The following ITGA9 variants were observed in gnomAD, a reference collection of about 807,000 sequenced individuals.
ITGA9 encodes integrin subunit alpha 9.
ITGA9 carries 56 observed loss-of-function variants against 127.8 expected under a neutral mutation model. That is an observed-to-expected ratio of 0.44 (90% CI 0.35 to 0.55). The LOEUF (loss-of-function observed/expected upper bound fraction) is 0.55. Ranked by LOEUF, ITGA9 falls within the 20% of genes least tolerant of loss-of-function variation. The probability of loss-of-function intolerance (pLI) is 0.00; values close to 1 mark genes in which losing one functional copy is unlikely to be tolerated. For synonymous variants in ITGA9, 508 were observed against 514.5 expected, an observed-to-expected ratio of 0.99 and a Z score of 0.17; for missense variants, 1,196 against 1,347.1, an observed-to-expected ratio of 0.89 and a Z score of 1.76.
At chr3:37,453,519 C>T (rs1549596) in intron 1 of ITGA9, among the ~76,000 whole-genome samples, 39,905 of 152,070 alleles carry the variant, frequency 0.26, 5,501 homozygotes, top group Non-Finnish European at 0.3. Flanking sequence ...AACAGCCACA[C>T]AGTGGTCACT....
chr3:37,456,613 C>T (rs998671775), intron 1 of ITGA9, among the ~76,000 whole-genome samples: 1 of 152,228 alleles, frequency 6.6e-6, no homozygotes, highest in African/African-American at 2.4e-5. Context: ...GACGTGCTTC[C>T]TGCTCCCTCT....
intron 17 of ITGA9, among the ~76,000 whole-genome samples, chr3:37,676,437 A>C (rs964589101): frequency 6.6e-6 from 1 of 152,178 alleles, no homozygotes; most frequent in African/African-American, 2.4e-5. Context: ...AGCTGGGGTA[A>C]TTATACAGCA....
At chr3:37,614,282 C>T (rs1043041026) in intron 15 of ITGA9, among the ~76,000 whole-genome samples, 6 of 151,752 alleles carry the variant, frequency 4.0e-5, no homozygotes, top group South Asian at 2.1e-4. Flanking sequence ...TGTAGATATG[C>T]GGCATTATTT....
At chr3:37,492,991 C>A (rs1333433282) in intron 4 of ITGA9, among the ~76,000 whole-genome samples, 1 of 152,228 alleles carries the variant, frequency 6.6e-6, no homozygotes, top group African/African-American at 2.4e-5. Context: ...GTGCAAGATT[C>A]TGCAGGGAAC....
At chr3:37,464,116 A>T (rs1051326583) in intron 1 of ITGA9, among the ~76,000 whole-genome samples, 6 of 144,166 alleles carry the variant, frequency 4.2e-5, no homozygotes, top group East Asian at 2.1e-4. Context: ...AGAAGGTGTG[A>T]GTGTGTGTGT....
intron 17 of ITGA9, among the ~76,000 whole-genome samples, chr3:37,657,527 G>A (rs185881532): frequency 6.6e-6 from 1 of 151,912 alleles, no homozygotes; most frequent in East Asian, 1.9e-4. Flanking sequence ...CTGTAGGATT[G>A]GTGGTAATAT....
chr3:37,692,412 AGTGTGTGTGTGT>A (rs59928496), intron 18 of ITGA9, among the ~76,000 whole-genome samples: 1 of 145,968 alleles, frequency 6.9e-6, no homozygotes. Flanking sequence ...AGAGAGAGAG[AGTGTGTGTGTGT>A]GTGTGTGTGT....
chr3:37,527,326 C>T (rs1248934554), intron 13 of ITGA9, among the ~76,000 whole-genome samples: 2 of 152,164 alleles, frequency 1.3e-5, no homozygotes, highest in South Asian at 2.1e-4. Flanking sequence ...CATTATAAGT[C>T]GGGGACTATC....
intron 1 of ITGA9, among the ~76,000 whole-genome samples, chr3:37,458,815 C>T (rs1438980070): frequency 6.6e-6 from 1 of 152,160 alleles, no homozygotes; most frequent in Non-Finnish European, 1.5e-5. Flanking sequence ...GCAATCTTGC[C>T]ACCAGCTGAC....
intron 15 of ITGA9, among the ~76,000 whole-genome samples, chr3:37,588,399 C>T (rs1263848560): frequency 6.8e-6 from 1 of 147,144 alleles, no homozygotes; most frequent in African/African-American, 2.5e-5. Context: ...GGACACCCAT[C>T]CAAGCTTCGT....
intron 18 of ITGA9, among the ~76,000 whole-genome samples, chr3:37,685,769 C>T (rs913289426): frequency 6.6e-6 from 1 of 152,140 alleles, no homozygotes; most frequent in Non-Finnish European, 1.5e-5. Context: ...AGAATTTTGG[C>T]TTGTTTTTAC....
intron 15 of ITGA9, among the ~76,000 whole-genome samples, chr3:37,552,074 C>T (rs749639139): frequency 1.8e-4 from 27 of 152,234 alleles, no homozygotes; most frequent in Non-Finnish European, 2.9e-4. Flanking sequence ...GAGCCAGCTT[C>T]CCTTCGTGCT....
chr3:37,478,061 C>A (rs1267032551), intron 3 of ITGA9, among the ~76,000 whole-genome samples: 1 of 152,136 alleles, frequency 6.6e-6, no homozygotes, highest in Non-Finnish European at 1.5e-5. Context: ...AATAAATTTT[C>A]ATTAGGTGAA....
At chr3:37,613,365 G>C (rs1040112410) in intron 15 of ITGA9, among the ~76,000 whole-genome samples, 13 of 152,050 alleles carry the variant, frequency 8.5e-5, no homozygotes, top group African/African-American at 3.1e-4. Context: ...GTCTATCATT[G>C]TTGGACATTT....
Position 37,822,526 on chromosome 3 carries a change from T to A in ITGA9, c.*3537T>A, listed in dbSNP as rs1488043841. On this transcript the variant is annotated 3_prime_UTR_variant, in exon 28 of 28. Transcript: ENST00000264741. The stretch of plus-strand genomic sequence containing the variant: ...CAGCACTGAGGTTTCCTCAGGCAGT[T>A]CTTTAGGAAAACTGTCAGCATCATG... The A allele has an allele frequency of 2.6e-5, 4 of 151,518 alleles. No homozygotes were observed. Among genetic ancestry groups the A allele is most frequent in the Non-Finnish European group, 5.9e-5 (4 of 67,664 alleles). The allele number at this position is 151,518 out of a possible 1,614,324, so 9.4% of individuals were successfully genotyped here.
intron 23 of ITGA9, among the ~76,000 whole-genome samples, chr3:37,760,248 G>A (rs916796286): frequency 5.9e-5 from 9 of 151,312 alleles, no homozygotes; most frequent in African/African-American, 2.2e-4. Flanking sequence ...GGGCAAAAGA[G>A]TGAGACTCTG....
At chr3:37,777,321 C>T in intron 23 of ITGA9, 71 bp from the exon 24 acceptor site, 3 of 1,551,738 alleles carry the variant, frequency 1.9e-6, no homozygotes, top group Non-Finnish European at 2.7e-6. Context: ...CCTGCCTCTA[C>T]AATAAGAGGC....
At chr3:37,801,396 G>T (rs76789641) in intron 26 of ITGA9, among the ~76,000 whole-genome samples, 3,079 of 152,220 alleles carry the variant, frequency 0.02, 95 homozygotes, top group African/African-American at 0.071. Context: ...TTAGCATTTG[G>T]TATGTGAAAA....
At chr3:37,572,237 C>A (rs1012695583) in intron 15 of ITGA9, among the ~76,000 whole-genome samples, 1 of 152,000 alleles carries the variant, frequency 6.6e-6, no homozygotes, top group South Asian at 2.1e-4. Flanking sequence ...TCTGTCTTTC[C>A]CTTTGTTTCT....
Sources: gnomAD v4.1 joint callset for allele counts (sites outside exome capture counted in the v4.1 genomes callset) on GRCh38, gnomAD v4.1.1 for gene constraint, MANE v1.5 for transcripts, NCBI Gene and HGNC (gene_info 2026-07-23, HGNC 2026-07-21) for gene names.